LRRC37A2: variants seen among roughly 807,000 people sequenced by gnomAD.
The protein encoded by LRRC37A2 is leucine-rich repeat-containing protein 37A2.
In LRRC37A2, 9 loss-of-function variants were observed where a neutral mutation model predicts 68.8. The ratio of observed to expected loss-of-function variants is 0.13; its 90% CI spans 0.08 to 0.23. The LOEUF is 0.23. Among genes scored for constraint, LRRC37A2 ranks in the 10% least tolerant of loss-of-function variants. The pLI, the probability that LRRC37A2 is intolerant of heterozygous loss-of-function variation, is 1.00. For missense variants in LRRC37A2, 168 were observed against 950.4 expected (o/e 0.18, Z 10.82); for synonymous variants, 63 against 367.6 (o/e 0.17, Z 9.48).
chr17:46,721,998 G>A, the LRRC37A2 span: 5 of 1,607,216 alleles, frequency 3.1e-6, no homozygotes, highest in South Asian at 2.2e-5. Flanking sequence ...ATAGCTTTCC[G>A]ACCACCACCA....
chr17:46,826,027 A>G, the LRRC37A2 span, among the ~76,000 whole-genome samples: 5 of 152,248 alleles, frequency 3.3e-5, no homozygotes, highest in African/African-American at 1.2e-4. Context: ...GTCTCAAGAA[A>G]ACAAAACAAA....
the LRRC37A2 span, chr17:47,018,954 G>A: frequency 6.6e-7 from 1 of 1,519,718 alleles, no homozygotes; most frequent in African/African-American, 1.4e-5. Context: ...ATATCAAGGG[G>A]TAACAAATCC....
At chr17:46,836,973 C>T in the LRRC37A2 span, among the ~76,000 whole-genome samples, 694 of 152,186 alleles carry the variant, frequency 4.6e-3, 10 homozygotes, top group African/African-American at 0.016. Context: ...GACAGAGTCT[C>T]GCTCTGTCGC....
chr17:46,884,697 T>A, the LRRC37A2 span, among the ~76,000 whole-genome samples: 1 of 152,042 alleles, frequency 6.6e-6, no homozygotes, highest in Non-Finnish European at 1.5e-5. Context: ...GTTGGTGTCA[T>A]CCCTCCTTTG....
the LRRC37A2 span, among the ~76,000 whole-genome samples, chr17:46,895,438 C>T: frequency 2.0e-5 from 3 of 152,192 alleles, no homozygotes; most frequent in Admixed American, 6.5e-5. Flanking sequence ...AGCTCTCACC[C>T]GTGAGGTGGG....
the LRRC37A2 span, chr17:47,022,059 C>T: frequency 0.096 from 68,511 of 711,022 alleles, 4,010 homozygotes; most frequent in South Asian, 0.18. Context: ...TGACTGCAAT[C>T]GTATGGTTAT....
chr17:46,982,405 G>A, the LRRC37A2 span, among the ~76,000 whole-genome samples: 3 of 152,336 alleles, frequency 2.0e-5, no homozygotes, highest in South Asian at 2.1e-4. Flanking sequence ...CCACTCCAGC[G>A]AGTTGTGAGG....
the LRRC37A2 span, chr17:46,940,094 CT>C: frequency 8.7e-7 from 1 of 1,144,334 alleles, no homozygotes; most frequent in Non-Finnish European, 1.1e-6. Flanking sequence ...TCTTATTTCC[CT>C]TCCTTTCTGT....
At chr17:46,795,743 C>A in the LRRC37A2 span, among the ~76,000 whole-genome samples, 1 of 152,300 alleles carries the variant, frequency 6.6e-6, no homozygotes, top group African/African-American at 2.4e-5. Context: ...CAAAGCCAGC[C>A]CCACCCGGGG....
At chr17:46,732,190 A>G in the LRRC37A2 span, among the ~76,000 whole-genome samples, 2 of 152,234 alleles carry the variant, frequency 1.3e-5, no homozygotes, top group African/African-American at 2.4e-5. Context: ...ACACTACAGT[A>G]ATCATATCAG....
At chr17:46,769,682 C>A in the LRRC37A2 span, 1 of 1,519,842 alleles carries the variant, frequency 6.6e-7, no homozygotes, top group Admixed American at 1.8e-5. Context: ...AGCCCGCGAC[C>A]CACAGGGCTG....
intron 8 of LRRC37A2, among the ~76,000 whole-genome samples, chr17:46,541,952 G>A (rs1394706827): frequency 7.2e-6 from 1 of 139,484 alleles, no homozygotes; most frequent in Non-Finnish European, 1.5e-5. Context: ...GTGTGGAAAT[G>A]CCATCTCTAC....
the LRRC37A2 span, among the ~76,000 whole-genome samples, chr17:46,905,480 CTT>C: frequency 1.3e-5 from 2 of 152,204 alleles, no homozygotes; most frequent in Non-Finnish European, 2.9e-5. Flanking sequence ...AGCAAGAAGA[CTT>C]TGTTTCATCC....
At chr17:47,043,777 A>T in the LRRC37A2 span, among the ~76,000 whole-genome samples, 3 of 130,978 alleles carry the variant, frequency 2.3e-5, no homozygotes, top group Non-Finnish European at 5.0e-5. Context: ...CAGTGGCTCA[A>T]GCTGGTAATC....
At chr17:46,544,671 T>C (rs1470853378) in intron 8 of LRRC37A2, among the ~76,000 whole-genome samples, 1 of 80,184 alleles carries the variant, frequency 1.2e-5, no homozygotes. Context: ...ATGACCATGC[T>C]ATACTGCCTA....
chr17:46,790,444 G>GT, the LRRC37A2 span, among the ~76,000 whole-genome samples: 1 of 151,972 alleles, frequency 6.6e-6, no homozygotes, highest in African/African-American at 2.4e-5. Flanking sequence ...CCCCTCTGTG[G>GT]TATCCTCCCT....
the LRRC37A2 span, among the ~76,000 whole-genome samples, chr17:46,961,280 G>T: frequency 2.0e-5 from 3 of 152,212 alleles, no homozygotes; most frequent in Admixed American, 2.0e-4. Context: ...ACAAATATCT[G>T]TAATTTTAGC....
chr17:46,389,522 T>C, the LRRC37A2 span, among the ~76,000 whole-genome samples: 8 of 42,268 alleles, frequency 1.9e-4, no homozygotes, highest in Non-Finnish European at 3.8e-4. Flanking sequence ...AAGAACAAAA[T>C]GACACAATTA....
chr17:46,878,247 T>C, the LRRC37A2 span, among the ~76,000 whole-genome samples: 1 of 152,202 alleles, frequency 6.6e-6, no homozygotes, highest in African/African-American at 2.4e-5. Flanking sequence ...GCTTCCTTTC[T>C]CCCTAAACCT....
Sources: allele counts gnomAD v4.1 joint callset (sites outside exome capture counted in the v4.1 genomes callset), GRCh38; gene constraint gnomAD v4.1.1; transcripts MANE v1.5; gene names NCBI Gene and HGNC (gene_info 2026-07-23, HGNC 2026-07-21).